NEBL: variants seen among roughly 807,000 people sequenced by gnomAD.
NEBL encodes nebulette, also known as LIM and SH3 protein 2.
In NEBL, 122 loss-of-function variants were observed where a neutral mutation model predicts 140.2. That is an observed-to-expected ratio of 0.87 (90% CI 0.75 to 1.01). The LOEUF (loss-of-function observed/expected upper bound fraction) is 1.01, where lower values mean the gene tolerates loss of function less well. NEBL is among the 50% of genes least tolerant of loss of function. The pLI is 0.00. For missense variants in NEBL, 1,365 were observed against 1,231.3 expected (o/e 1.11, Z -1.62); for synonymous variants, 436 against 398.9 (o/e 1.09, Z -1.11).
intron 4 of NEBL, among the ~76,000 whole-genome samples, chr10:20,934,513 G>A (rs182131357): frequency 3.1e-4 from 47 of 152,242 alleles, no homozygotes; most frequent in Admixed American, 1.6e-3. Context: ...TGGACGTGAC[G>A]TGCATGACTT....
intron 2 of NEBL, among the ~76,000 whole-genome samples, chr10:21,034,780 T>A (rs1425678323): frequency 6.6e-6 from 1 of 152,034 alleles, no homozygotes; most frequent in Non-Finnish European, 1.5e-5. Context: ...GAGGGAAAAA[T>A]TATACCAAAA....
At chr10:21,062,506 TTAAAAAA>T (rs906610519) in intron 2 of NEBL, among the ~76,000 whole-genome samples, 3 of 150,974 alleles carry the variant, frequency 2.0e-5, no homozygotes, top group Non-Finnish European at 3.0e-5. Flanking sequence ...ACAAAAAAAA[TTAAAAAA>T]TAAAAAATAA....
At chr10:21,210,782 G>C (rs1310189470) in intron 3 of NEBL, among the ~76,000 whole-genome samples, 2 of 152,158 alleles carry the variant, frequency 1.3e-5, no homozygotes, top group African/African-American at 4.8e-5. Context: ...CATACGTTAA[G>C]ATATCATATT....
chr10:21,159,966 T>A (rs1840487835), intron 2 of NEBL, among the ~76,000 whole-genome samples: 1 of 152,194 alleles, frequency 6.6e-6, no homozygotes, highest in African/African-American at 2.4e-5. Flanking sequence ...ATTCAGGGAC[T>A]TCTTTTATGT....
chr10:21,040,742 G>A (rs1180384796), intron 2 of NEBL, among the ~76,000 whole-genome samples: 1 of 152,042 alleles, frequency 6.6e-6, no homozygotes, highest in Non-Finnish European at 1.5e-5. Context: ...AATCCCCAAT[G>A]TTGGAGAAGG....
chr10:20,964,622 C>A lies in NEBL; in HGVS notation c.250-2843G>T, dbSNP rs77424929. Among the ~76,000 whole-genome samples the A allele has an allele frequency of 2.8e-4, 42 of 152,276 alleles. No individual in the cohort carries two copies. In the East Asian group the frequency reaches 8.1e-3, roughly 29 times the overall value. On this transcript the variant is annotated intron_variant, in intron 3 of 6. Coordinates refer to the NEBL transcript ENST00000417816. ...TCCAAACACCTCCCATTAGTGCATA[C>A]CTTCAATGCTCAGGATCACATTTCA... is the stretch of plus-strand genomic sequence containing the variant.
intron 4 of NEBL, among the ~76,000 whole-genome samples, chr10:20,956,669 A>G (rs995983947): frequency 2.6e-5 from 4 of 152,196 alleles, no homozygotes; most frequent in Non-Finnish European, 4.4e-5. Flanking sequence ...TTTTACATAA[A>G]TGTTTCATTA....
chr10:21,146,435 G>C (rs1839898724), intron 2 of NEBL: 1 of 1,613,352 alleles, frequency 6.2e-7, no homozygotes, highest in Non-Finnish European at 8.5e-7. Flanking sequence ...ATAAGCTAGA[G>C]GACAGCCAAT....
chr10:21,021,360 C>A (rs570280536), intron 2 of NEBL, among the ~76,000 whole-genome samples: 1 of 152,136 alleles, frequency 6.6e-6, no homozygotes, highest in South Asian at 2.1e-4. Flanking sequence ...TGAGTAAAAC[C>A]TTTCAACGGC....
Position 21,161,237 on chromosome 10 carries a change from G to T in NEBL, c.164+11146C>A, listed in dbSNP as rs982661517. On this transcript the variant is annotated intron_variant, in intron 2 of 6. Coordinates refer to the NEBL transcript ENST00000417816. ...ATTAGAGACAGGGTCTTGCTATGTTGCCCAGGCTGGTCTTGAACTCCTGAC... is the reference window on the plus strand; with the variant it reads ...ATTAGAGACAGGGTCTTGCTATGTTTCCCAGGCTGGTCTTGAACTCCTGAC... 1.3e-4 allele frequency among the ~76,000 whole-genome samples: 19 copies of T among 151,840 alleles called. 1 individual carries two copies. Among genetic ancestry groups the T allele is most frequent in the Admixed American group, 8.5e-4 (13 of 15,252 alleles).
At chr10:21,005,024 C>A (rs2131725217) in intron 3 of NEBL, among the ~76,000 whole-genome samples, 1 of 152,264 alleles carries the variant, frequency 6.6e-6, no homozygotes, top group South Asian at 2.1e-4. Flanking sequence ...AAGACCTCAC[C>A]CAAACAAATT....
chr10:21,064,214 C>T (rs1242467852), intron 2 of NEBL, among the ~76,000 whole-genome samples: 3 of 122,754 alleles, frequency 2.4e-5, no homozygotes, highest in South Asian at 2.5e-4. Context: ...ATAGAGTTAA[C>T]GTCAAAAAAA....
chr10:20,815,644 T>C lies in NEBL; in HGVS notation c.2222A>G (p.Asn741Ser), dbSNP rs1216798686. ...VTPEMERVKK[N>S]QENISSVKYT... is the part of the protein sequence containing the mutation. ...ACTTGCCGAGCTAATATTTTCTTGATTCTTCTTCACTCTTTCCATTTCAGG... is the reference window on the plus strand; with the variant it reads ...ACTTGCCGAGCTAATATTTTCTTGACTCTTCTTCACTCTTTCCATTTCAGG... Residue 741 changes from asparagine (N) to serine (S), a missense_variant, in exon 22 of 28, where the codon AAT (asparagine) becomes AGT (serine). By Grantham distance (46) the Asn-to-Ser change is conservative. Around this residue, in one of 2 missense-constraint regions of NEBL, gnomAD observed 1,323 missense variants for 1,154.8 expected, o/e 1.15. Coordinates refer to ENST00000377122, the MANE Select transcript of NEBL (RefSeq NM_006393.3). The C allele has an allele frequency of 6.2e-7, 1 of 1,611,146 alleles. No individual in the cohort carries two copies. The highest frequency in any genetic ancestry group is 1.1e-5 in the South Asian group (1 of 91,038).
chr10:20,961,831 C>T (rs376697026), intron 3 of NEBL: 90 of 1,391,018 alleles, frequency 6.5e-5, no homozygotes, highest in African/African-American at 3.1e-4. Context: ...GAATCCCACT[C>T]GGGATAGGCT....
chr10:21,041,004 T>C (rs1280957708), intron 2 of NEBL, among the ~76,000 whole-genome samples: 2 of 152,228 alleles, frequency 1.3e-5, no homozygotes, highest in Non-Finnish European at 2.9e-5. Flanking sequence ...ATTTTCTTTA[T>C]TAATTACCCA....
At chr10:20,899,780 A>G (rs920077019), upstream of NEBL, 1 of 174,562 alleles carries the variant, frequency 5.7e-6, no homozygotes, top group Non-Finnish European at 1.2e-5. Context: ...ATGGTGAATA[A>G]AATATTCTTC....
chr10:20,906,567 G>A (rs760711740), intron 4 of NEBL, among the ~76,000 whole-genome samples: 3 of 152,098 alleles, frequency 2.0e-5, no homozygotes, highest in Non-Finnish European at 4.4e-5. Context: ...TCTCTGAAGA[G>A]TGAGAACTAG....
intron 2 of NEBL, among the ~76,000 whole-genome samples, chr10:21,167,860 T>A (rs2132171283): frequency 6.6e-6 from 1 of 152,322 alleles, no homozygotes; most frequent in East Asian, 1.9e-4. Flanking sequence ...CTTTGCAAGT[T>A]CCATGGTGAA....
chr10:21,139,526 G>T (rs1276325716), intron 2 of NEBL, among the ~76,000 whole-genome samples: 1 of 152,144 alleles, frequency 6.6e-6, no homozygotes, highest in African/African-American at 2.4e-5. Flanking sequence ...TGTTGTCAAA[G>T]AAATTATATG....
Sources: allele counts gnomAD v4.1 joint callset (sites outside exome capture counted in the v4.1 genomes callset), GRCh38; gene constraint gnomAD v4.1.1; regional missense constraint gnomAD v4.1.1; transcripts MANE v1.5; gene names NCBI Gene and HGNC (gene_info 2026-07-23, HGNC 2026-07-21).